IDE: variants seen among roughly 807,000 people sequenced by gnomAD.
IDE encodes the protein insulin-degrading enzyme.
A neutral mutation model predicts 133.2 loss-of-function variants in IDE; 58 were observed. The ratio of observed to expected loss-of-function variants is 0.44; its 90% CI spans 0.35 to 0.54. The LOEUF is 0.54. Ranked by LOEUF, IDE falls within the 20% of genes least tolerant of loss-of-function variation. IDE has a pLI of 0.00. For synonymous variants in IDE, 396 were observed against 421.3 expected, an observed-to-expected ratio of 0.94 and a Z score of 0.73; for missense variants, 981 against 1,234.0, an observed-to-expected ratio of 0.79 and a Z score of 3.07.
At chr10:92,498,592 C>A (rs1193741282) in intron 11 of IDE, among the ~76,000 whole-genome samples, 1 of 152,148 alleles carries the variant, frequency 6.6e-6, no homozygotes, top group African/African-American at 2.4e-5. Context: ...CCCATCTCTA[C>A]TAAAAATACA....
intron 1 of IDE, among the ~76,000 whole-genome samples, chr10:92,552,596 C>T (rs117727335): frequency 0.089 from 13,538 of 151,992 alleles, 742 homozygotes; most frequent in Non-Finnish European, 0.12. Flanking sequence ...AGTTGGCTCA[C>T]GCCTGTAATC....
chr10:92,474,989 T>C (rs1182105983), intron 16 of IDE, 28 bp from the exon 17 acceptor site: 7 of 1,567,612 alleles, frequency 4.5e-6, no homozygotes, highest in South Asian at 2.3e-5. Flanking sequence ...CGTTCATTAA[T>C]TTTATAAATC....
intron 13 of IDE, among the ~76,000 whole-genome samples, chr10:92,483,861 T>A (rs1350490152): frequency 1.3e-5 from 2 of 152,172 alleles, no homozygotes; most frequent in Non-Finnish European, 2.9e-5. Flanking sequence ...TGCATCCTGA[T>A]CACTCACTTT....
chr10:92,555,871 C>A (rs558681451), intron 1 of IDE, among the ~76,000 whole-genome samples: 1 of 152,178 alleles, frequency 6.6e-6, no homozygotes, highest in South Asian at 2.1e-4. Flanking sequence ...AAACGGCGTA[C>A]AAATTAGAAA....
At chr10:92,528,777 A>G (rs1292893446) in intron 4 of IDE, among the ~76,000 whole-genome samples, 1 of 152,136 alleles carries the variant, frequency 6.6e-6, no homozygotes. Context: ...ATTATTTTAA[A>G]TCAAAATCCC....
Position 92,508,712 on chromosome 10 carries a change from T to C in IDE, c.1060+16A>G, listed in dbSNP as rs1848433684. On this transcript the variant is annotated intron_variant, in intron 7 of 24. Transcript: ENST00000265986. ...GATGTGGTGGACACTCAGAAGATGC[T>C]GCCCAGGAGACTTACCCTTTGACTT... 4 of 1,612,208 alleles carry C rather than the reference T, an allele frequency of 2.5e-6. No individual in the cohort carries two copies. The East Asian group carries it at 8.9e-5, about 36-fold the overall frequency.
At position 92,470,321 on chromosome 10, in the gene IDE, G is replaced by C. The variant is rs780814518; in HGVS notation, c.2141C>G (p.Ala714Gly). The change falls in exon 18 of 25, where the codon GCC becomes GGC. Residue 714 changes from alanine to glycine, a missense_variant. Coordinates refer to ENST00000265986, the MANE Select transcript of IDE (RefSeq NM_004969.4). ...CCGTGACAGGAGCTGAGGTATGAAG[G>C]CCTTAAGGCGAGGAAGGGTTACATC... is the stretch of plus-strand genomic sequence containing the variant. ...LDDVTLPRLK[A>G]FIPQLLSRLH... 26 of 1,604,450 alleles carry C rather than the reference G, an allele frequency of 1.6e-5. No homozygotes were observed. The Admixed American group carries it at 3.1e-4, about 19-fold the overall frequency.
intron 11 of IDE, among the ~76,000 whole-genome samples, chr10:92,496,544 G>A (rs186106740): frequency 1.3e-5 from 2 of 152,296 alleles, no homozygotes; most frequent in Non-Finnish European, 1.5e-5. Context: ...TCAACAATTT[G>A]GGAGGCTGAG....
intron 11 of IDE, among the ~76,000 whole-genome samples, chr10:92,494,228 A>ATTT: frequency 7.7e-6 from 1 of 130,664 alleles, no homozygotes; most frequent in African/African-American, 2.8e-5. Flanking sequence ...TACCCAGCCA[A>ATTT]TTTTTTTTTT....
At chr10:92,513,932 A>G (rs1415197088) in intron 5 of IDE, among the ~76,000 whole-genome samples, 2 of 152,160 alleles carry the variant, frequency 1.3e-5, no homozygotes, top group African/African-American at 2.4e-5. Flanking sequence ...TTAATACTAT[A>G]AAGAAAAAGC....
chr10:92,491,345 A>G (rs1177214527), intron 11 of IDE, among the ~76,000 whole-genome samples: 2 of 152,034 alleles, frequency 1.3e-5, no homozygotes, highest in Non-Finnish European at 2.9e-5. Context: ...TCATCCAGAG[A>G]TTTTAAAAAC....
intron 8 of IDE, 121 bp downstream of exon 8, chr10:92,507,992 A>C: frequency 1.4e-6 from 1 of 738,630 alleles, no homozygotes. Context: ...ACAATGGATA[A>C]GTTGTATGAA....
chr10:92,513,954 A>C (rs1848764353), intron 5 of IDE, among the ~76,000 whole-genome samples: 1 of 152,182 alleles, frequency 6.6e-6, no homozygotes, highest in African/African-American at 2.4e-5. Flanking sequence ...GGTAAGATGG[A>C]AAGTAGAATA....
intron 13 of IDE, among the ~76,000 whole-genome samples, chr10:92,485,287 A>G (rs953494499): frequency 3.3e-5 from 5 of 151,804 alleles, no homozygotes; most frequent in African/African-American, 1.2e-4. Flanking sequence ...CACCACGCCC[A>G]GCTAATTTTT....
chr10:92,484,428 C>T (rs1846839630), intron 13 of IDE, among the ~76,000 whole-genome samples: 1 of 151,276 alleles, frequency 6.6e-6, no homozygotes, highest in African/African-American at 2.4e-5. Flanking sequence ...AAAAACAAAA[C>T]AAAACAAAGA....
chr10:92,472,586 TG>T (rs1168552778), intron 17 of IDE, among the ~76,000 whole-genome samples: 4 of 152,130 alleles, frequency 2.6e-5, no homozygotes, highest in African/African-American at 9.7e-5. Flanking sequence ...AAAAGCATAG[TG>T]TTACGTAAGT....
intron 19 of IDE, among the ~76,000 whole-genome samples, chr10:92,466,128 G>C (rs1395152093): frequency 6.6e-6 from 1 of 151,152 alleles, no homozygotes; most frequent in East Asian, 2.0e-4. Context: ...CTACTTGGGA[G>C]GCTGAGGCGG....
At chr10:92,552,857 C>CAAAAAAGAAAAA (rs1842846757) in intron 1 of IDE, among the ~76,000 whole-genome samples, 1 of 49,380 alleles carries the variant, frequency 2.0e-5, no homozygotes, top group African/African-American at 1.1e-4. Flanking sequence ...GACTCAGTCT[C>CAAAAAAGAAAAA]AAAAAAAAAA....
intron 2 of IDE, 50 bp from the exon 3 acceptor site, chr10:92,534,835 T>C (rs1200282732): frequency 1.4e-6 from 2 of 1,383,258 alleles, no homozygotes; most frequent in Admixed American, 3.4e-5. Flanking sequence ...TGCTGAAAGT[T>C]AGTAAGTACA....
Sources: gnomAD v4.1 joint callset for allele counts (sites outside exome capture counted in the v4.1 genomes callset) on GRCh38, gnomAD v4.1.1 for gene constraint, MANE v1.5 for transcripts, NCBI Gene and HGNC (gene_info 2026-07-23, HGNC 2026-07-21) for gene names.